FOXN3: variants seen among roughly 807,000 people sequenced by gnomAD.
FOXN3 encodes the protein forkhead box protein N3.
In FOXN3, 7 loss-of-function variants were observed where a neutral mutation model predicts 38.4. That is an observed-to-expected ratio of 0.18 (90% confidence interval 0.10 to 0.34). The LOEUF (loss-of-function observed/expected upper bound fraction) is 0.34. FOXN3 is among the 10% of genes least tolerant of loss of function. FOXN3 has a pLI of 1.00. For missense variants in FOXN3, 456 were observed against 613.4 expected (o/e 0.74, Z 2.71); for synonymous variants, 230 against 242.2 (o/e 0.95, Z 0.47).
chr14:89,361,823 C>G (rs200222245), intron 2 of FOXN3, among the ~76,000 whole-genome samples: 9 of 4,504 alleles, frequency 2.0e-3, no homozygotes, highest in Non-Finnish European at 1.5e-3. Flanking sequence ...ACCACCTCCA[C>G]CACCACCTCC....
At chr14:89,387,390 A>C (rs28538781) in intron 2 of FOXN3, among the ~76,000 whole-genome samples, 1 of 152,168 alleles carries the variant, frequency 6.6e-6, no homozygotes. Flanking sequence ...CAGGAGTTGT[A>C]TTATCATTAT....
At chr14:89,424,159 G>A (rs889439143) in intron 1 of FOXN3, among the ~76,000 whole-genome samples, 1 of 152,176 alleles carries the variant, frequency 6.6e-6, no homozygotes, top group Admixed American at 6.5e-5. Context: ...CATTCTGTGG[G>A]GCACAGTGGG....
chr14:89,366,640 A>C (rs1890167228), intron 2 of FOXN3, among the ~76,000 whole-genome samples: 1 of 152,240 alleles, frequency 6.6e-6, no homozygotes, highest in Non-Finnish European at 1.5e-5. Flanking sequence ...GGCCTAGTAA[A>C]AGAATTTCTA....
intron 1 of FOXN3, among the ~76,000 whole-genome samples, chr14:89,438,917 C>T (rs1346032147): frequency 2.0e-5 from 3 of 152,194 alleles, no homozygotes; most frequent in South Asian, 2.1e-4. Context: ...TGCACCACCA[C>T]GCCCAGCTAA....
chr14:89,410,982 G>A (rs1891529592), intron 2 of FOXN3, among the ~76,000 whole-genome samples: 1 of 152,154 alleles, frequency 6.6e-6, no homozygotes, highest in Admixed American at 6.5e-5. Flanking sequence ...TGGCTTTAAA[G>A]CAGGGGTCCC....
intron 2 of FOXN3, among the ~76,000 whole-genome samples, chr14:89,379,624 T>G (rs964610622): frequency 6.6e-6 from 1 of 152,096 alleles, no homozygotes; most frequent in Non-Finnish European, 1.5e-5. Context: ...ATTCATTTTA[T>G]TTTATTTTGT....
At chr14:89,272,721 C>T (rs1386805962) in intron 4 of FOXN3, among the ~76,000 whole-genome samples, 2 of 152,050 alleles carry the variant, frequency 1.3e-5, no homozygotes, top group South Asian at 2.1e-4. Context: ...CGCATGGTGG[C>T]GCACGCCTGT....
intron 2 of FOXN3, among the ~76,000 whole-genome samples, chr14:89,382,780 C>T (rs1190134232): frequency 1.3e-5 from 2 of 152,130 alleles, no homozygotes; most frequent in African/African-American, 4.8e-5. Context: ...AACCGCTTGG[C>T]AAAGAGGGGA....
chr14:89,313,911 A>G (rs1386519053), intron 3 of FOXN3, among the ~76,000 whole-genome samples: 2 of 152,160 alleles, frequency 1.3e-5, no homozygotes, highest in Non-Finnish European at 2.9e-5. Flanking sequence ...ATTATTCCAT[A>G]TATATGAGGT....
intron 1 of FOXN3, among the ~76,000 whole-genome samples, chr14:89,425,489 A>C (rs1475017476): frequency 1.3e-5 from 2 of 149,250 alleles, no homozygotes; most frequent in Admixed American, 6.7e-5. Flanking sequence ...TGCCTCAGCC[A>C]CCTGAGTAGC....
At chr14:89,234,583 C>G (rs1884922929) in intron 4 of FOXN3, among the ~76,000 whole-genome samples, 1 of 152,054 alleles carries the variant, frequency 6.6e-6, no homozygotes, top group African/African-American at 2.4e-5. Flanking sequence ...AGTGAATTCT[C>G]ATGATATCTG....
intron 1 of FOXN3, among the ~76,000 whole-genome samples, chr14:89,499,963 C>T (rs766810629): frequency 5.1e-4 from 77 of 152,240 alleles, no homozygotes; most frequent in Admixed American, 1.4e-3. Context: ...GATTCTCCTG[C>T]CTCAGCCTCT....
intron 2 of FOXN3, among the ~76,000 whole-genome samples, chr14:89,363,963 TATATATATATATATATATATATATA>T (rs1481284733): frequency 5.5e-4 from 15 of 27,100 alleles, no homozygotes; most frequent in East Asian, 1.7e-3. Context: ...TATATATATA[TATATATATATATATATATATATATA>T]ATATATATAT....
intron 1 of FOXN3, among the ~76,000 whole-genome samples, chr14:89,414,296 C>CA (rs1443257489): frequency 6.6e-6 from 1 of 151,346 alleles, no homozygotes; most frequent in Non-Finnish European, 1.5e-5. Context: ...GACCCTGTCT[C>CA]AAAAAAATAA....
At position 89,159,249 on chromosome 14, in the gene FOXN3, C is replaced by T. The variant is rs1417093027; in HGVS notation, c.*3165G>A. ...CACATTGATACTTTTTGTTTTTGTTCTCAACAATCAAAATACAAAGTTAAA... is the reference window on the plus strand; with the variant it reads ...CACATTGATACTTTTTGTTTTTGTTTTCAACAATCAAAATACAAAGTTAAA... On this transcript the variant is annotated 3_prime_UTR_variant, in exon 6 of 6. Transcript: ENST00000557258. 1 of 152,466 alleles carries T rather than the reference C, an allele frequency of 6.6e-6. No homozygotes were observed. Among genetic ancestry groups the T allele is most frequent in the Non-Finnish European group, 1.5e-5 (1 of 68,022 alleles). The allele number at this position is 152,466 out of a possible 1,614,324, so 9.4% of individuals were successfully genotyped here. A position where few individuals can be genotyped will look rare whatever the true frequency, so the allele number is the denominator to read the frequency against.
chr14:89,284,603 A>C (rs1230547249), intron 3 of FOXN3: 1 of 455,744 alleles, frequency 2.2e-6, no homozygotes, highest in Non-Finnish European at 4.4e-6. Context: ...CAATCAGACT[A>C]ACCATATGTG....
At chr14:89,423,419 A>G (rs1178851708) in intron 1 of FOXN3, among the ~76,000 whole-genome samples, 1 of 152,236 alleles carries the variant, frequency 6.6e-6, no homozygotes, top group Non-Finnish European at 1.5e-5. Flanking sequence ...AAGCCAACAA[A>G]TCAAAATGAA....
rs1249971169 is a variant in FOXN3 at position 89,158,343 on chromosome 14, G to A, written c.*4071C>T. The stretch of plus-strand genomic sequence containing the variant: ...ACAACGGCCCCTCCCAGAAGGCTCT[G>A]TGGTAGTAACTGCTGTGGCCAGCAA... On this transcript the variant is annotated 3_prime_UTR_variant, in exon 6 of 6. Coordinates refer to ENST00000557258, the MANE Select transcript of FOXN3 (RefSeq NM_005197.4). 2 of 152,292 alleles carry A rather than the reference G, an allele frequency of 1.3e-5. No individual in the cohort carries two copies. Among genetic ancestry groups the A allele is most frequent in the African/African-American group, 4.8e-5 (2 of 41,460 alleles). The allele number at this position is 152,292 out of a possible 1,614,324, so 9.4% of individuals were successfully genotyped here.
At chr14:89,491,196 G>C (rs1426044661) in intron 1 of FOXN3, among the ~76,000 whole-genome samples, 1 of 151,428 alleles carries the variant, frequency 6.6e-6, no homozygotes, top group Non-Finnish European at 1.5e-5. Flanking sequence ...GGCTGGTCTC[G>C]AACTCCCGAC....
Sources: allele counts gnomAD v4.1 joint callset (sites outside exome capture counted in the v4.1 genomes callset), GRCh38; gene constraint gnomAD v4.1.1; transcripts MANE v1.5; gene names NCBI Gene and HGNC (gene_info 2026-07-23, HGNC 2026-07-21).